The following RALYL variants were observed in gnomAD, a reference collection of about 807,000 sequenced individuals.
RALYL encodes the protein RALY RNA binding protein like, also known as RNA-binding Raly-like protein.
Under a neutral mutation model 35.1 loss-of-function variants are expected in RALYL, and 29 were observed. The observed-to-expected ratio is 0.83, with a 90% CI of 0.61 to 1.13. The LOEUF (loss-of-function observed/expected upper bound fraction) is 1.13. Ranked by LOEUF, RALYL falls within the 50% of genes most tolerant of loss-of-function variation. RALYL has a pLI of 0.00. For synonymous variants in RALYL, 120 were observed against 127.6 expected (o/e 0.94, Z 0.40); for missense variants, 359 against 360.4 (o/e 1.00, Z 0.03).
At chr8:84,340,958 C>A (rs1233714135) in intron 1 of RALYL, among the ~76,000 whole-genome samples, 1 of 151,902 alleles carries the variant, frequency 6.6e-6, no homozygotes, top group Non-Finnish European at 1.5e-5. Context: ...CCAGTTTTTC[C>A]ATAATTTTGC....
intron 1 of RALYL, among the ~76,000 whole-genome samples, chr8:84,444,701 C>A (rs188912043): frequency 6.6e-6 from 1 of 152,114 alleles, no homozygotes; most frequent in East Asian, 1.9e-4. Context: ...TAATAGGAGA[C>A]AAGCGTCCAT....
At chr8:84,226,620 A>AG (rs5892907) in intron 1 of RALYL, among the ~76,000 whole-genome samples, 103,854 of 151,940 alleles carry the variant, frequency 0.68, 36,064 homozygotes, top group African/African-American at 0.81. Flanking sequence ...ATGACTTAAA[A>AG]GGAGATAATT....
At chr8:84,220,384 G>A (rs112446736) in intron 1 of RALYL, among the ~76,000 whole-genome samples, 1,573 of 152,078 alleles carry the variant, frequency 0.01, 31 homozygotes, top group African/African-American at 0.036. Flanking sequence ...TATACATGGT[G>A]AAATATGGTA....
At chr8:84,479,845 C>T (rs776639903) in intron 1 of RALYL, among the ~76,000 whole-genome samples, 51 of 152,264 alleles carry the variant, frequency 3.3e-4, no homozygotes, top group Non-Finnish European at 6.3e-4. Context: ...GAATCTACCT[C>T]ATCTACAGAA....
At chr8:84,646,252 C>G (rs866446923) in intron 2 of RALYL, among the ~76,000 whole-genome samples, 2 of 151,618 alleles carry the variant, frequency 1.3e-5, no homozygotes, top group Non-Finnish European at 2.9e-5. Flanking sequence ...ATAAAATTGT[C>G]ATTTGAATTC....
chr8:84,652,004 A>T (rs1828939802), intron 2 of RALYL, among the ~76,000 whole-genome samples: 3 of 152,084 alleles, frequency 2.0e-5, no homozygotes, highest in African/African-American at 7.2e-5. Context: ...TCACATTTTT[A>T]TTTGACATGA....
chr8:84,553,945 A>T (rs1437255287), intron 2 of RALYL, among the ~76,000 whole-genome samples: 1 of 152,242 alleles, frequency 6.6e-6, no homozygotes, highest in African/African-American at 2.4e-5. Flanking sequence ...TTCCATACAC[A>T]TAACTATTTT....
chr8:84,729,081 A>G (rs916601437), intron 2 of RALYL, among the ~76,000 whole-genome samples: 1 of 152,166 alleles, frequency 6.6e-6, no homozygotes, highest in Non-Finnish European at 1.5e-5. Flanking sequence ...GGCCATTTTC[A>G]TGATATTGAT....
chr8:84,732,869 G>A (rs780901949), intron 2 of RALYL, among the ~76,000 whole-genome samples: 1 of 151,418 alleles, frequency 6.6e-6, no homozygotes, highest in Non-Finnish European at 1.5e-5. Flanking sequence ...CTAATTTTTT[G>A]TGTTTCTAGT....
intron 1 of RALYL, among the ~76,000 whole-genome samples, chr8:84,425,783 C>CTG (rs1554662152): frequency 0.06 from 8,590 of 144,354 alleles, 354 homozygotes; most frequent in East Asian, 0.14. Context: ...AGTTTTTCTT[C>CTG]TGTGTGTGTG....
chr8:84,669,351 AT>A (rs932918559), intron 2 of RALYL, among the ~76,000 whole-genome samples: 11 of 150,954 alleles, frequency 7.3e-5, no homozygotes, highest in East Asian at 2.0e-4. Flanking sequence ...GCTTCTGAGC[AT>A]TTTTTTTTAA....
chr8:84,210,118 T>A (rs1158181926), intron 1 of RALYL, among the ~76,000 whole-genome samples: 1 of 152,148 alleles, frequency 6.6e-6, no homozygotes, highest in Non-Finnish European at 1.5e-5. Flanking sequence ...TCAAGGTAGA[T>A]ATTCTGATGT....
intron 2 of RALYL, among the ~76,000 whole-genome samples, chr8:84,534,599 A>G (rs2059477967): frequency 6.6e-6 from 1 of 152,170 alleles, no homozygotes; most frequent in South Asian, 2.1e-4. Context: ...GAATGATTGG[A>G]TAGATGGTTA....
chr8:84,318,210 T>C (rs1338966331), intron 1 of RALYL, among the ~76,000 whole-genome samples: 1 of 152,164 alleles, frequency 6.6e-6, no homozygotes, highest in Non-Finnish European at 1.5e-5. Flanking sequence ...CATGGGACCC[T>C]GTGGGACTGC....
At chr8:84,801,925 T>G (rs1823384264) in intron 3 of RALYL, among the ~76,000 whole-genome samples, 1 of 152,216 alleles carries the variant, frequency 6.6e-6, no homozygotes, top group South Asian at 2.1e-4. Flanking sequence ...ATTCAAATTA[T>G]TCTGAATTTC....
chr8:84,915,938 G>A (rs1369587953), intron 8 of RALYL, among the ~76,000 whole-genome samples: 3 of 151,908 alleles, frequency 2.0e-5, no homozygotes, highest in Admixed American at 6.6e-5. Context: ...CTTCATTAAA[G>A]ACAGTAGGTT....
At position 84,449,025 on chromosome 8, in the gene RALYL, G is replaced by T. The variant is rs117863724; in HGVS notation, c.-23-80274G>T. Among the ~76,000 whole-genome samples the T allele has an allele frequency of 6.4e-3, 972 of 151,534 alleles. 7 individuals are homozygous for T. Among genetic ancestry groups the T allele is most frequent in the Non-Finnish European group, 8.3e-3 (561 of 67,870 alleles). Reference sequence around the variant, plus strand: ...GTGGTCCAATCCCATTCAGATAATGGAATGTGAGTATTAAGCTTGTAGCAC... The same window carrying T: ...GTGGTCCAATCCCATTCAGATAATGTAATGTGAGTATTAAGCTTGTAGCAC... On this transcript the variant is annotated intron_variant, in intron 1 of 8. Transcript: ENST00000521268.
intron 2 of RALYL, among the ~76,000 whole-genome samples, chr8:84,552,147 A>G (rs1192718549): frequency 6.6e-6 from 1 of 150,872 alleles, no homozygotes; most frequent in Non-Finnish European, 1.5e-5. Flanking sequence ...TATCAGATTC[A>G]GAAAATGAAA....
chr8:84,547,825 T>C lies in RALYL; in HGVS notation c.256+18248T>C, dbSNP rs138066171. ...TATCATTTTTGAGAGTTGAGTTCTC[T>C]GGTAAATGTTTACCATGGGTCCTTA... On this transcript the variant is annotated intron_variant, in intron 2 of 8. Coordinates refer to ENST00000521268, the MANE Select transcript of RALYL (RefSeq NM_173848.7). 1.4e-3 allele frequency among the ~76,000 whole-genome samples: 213 copies of C among 152,350 alleles called. 1 individual carries two copies. Among genetic ancestry groups the C allele is most frequent in the African/African-American group, 4.9e-3 (204 of 41,586 alleles).
Sources: allele counts gnomAD v4.1 joint callset (sites outside exome capture counted in the v4.1 genomes callset), GRCh38; gene constraint gnomAD v4.1.1; transcripts MANE v1.5; gene names NCBI Gene and HGNC (gene_info 2026-07-23, HGNC 2026-07-21).